The following ABL2 variants were observed in gnomAD, a reference collection of about 807,000 sequenced individuals.
ABL2 encodes ABL proto-oncogene 2, non-receptor tyrosine kinase.
Under a neutral mutation model 107.7 loss-of-function variants are expected in ABL2, and 49 were observed. The observed-to-expected ratio is 0.45, with a 90% CI of 0.36 to 0.58. The LOEUF is 0.58. ABL2 is among the 20% of genes least tolerant of loss of function. The pLI is 0.00. For synonymous variants in ABL2, 549 were observed against 548.6 expected (o/e 1.00, Z -0.01); for missense variants, 1,245 against 1,457.0 (o/e 0.85, Z 2.37).
chr1:179,198,945 G>A (rs368804073), intron 1 of ABL2, among the ~76,000 whole-genome samples: 9 of 150,388 alleles, frequency 6.0e-5, no homozygotes, highest in Non-Finnish European at 1.3e-4. Flanking sequence ...AGGTCCAAGC[G>A]ATTCTCCTGC....
At chr1:179,178,693 A>G (rs913380905) in intron 1 of ABL2, among the ~76,000 whole-genome samples, 1 of 151,892 alleles carries the variant, frequency 6.6e-6, no homozygotes, top group Admixed American at 6.6e-5. Context: ...AGTTCAAGAC[A>G]AGTCTGGCCA....
rs375297888 is a variant in ABL2, at chr1:179,109,104, G to A, written c.2163C>T (p.Ser721=). The part of the protein sequence containing the change: ...NLVPPKCYGG[S]FAQRNLCNDD... The stretch of plus-strand genomic sequence containing the variant: ...CATTACAGAGGTTCCTCTGTGCAAA[G>A]CTCCCCCCATAGCACTTGGGTGGCA... The change falls in exon 12 of 12, where the codon AGC becomes AGT. Residue 721 remains serine, a synonymous_variant. Transcript: ENST00000502732. The A allele has an allele frequency of 1.1e-5, 16 of 1,464,662 alleles. No homozygotes were observed. In the African/African-American group the frequency reaches 2.3e-4, roughly 21 times the overall value. The allele number at this position is 1,464,662 out of a possible 1,614,324, so 90.7% of individuals were successfully genotyped here. A position where few individuals can be genotyped will look rare whatever the true frequency, so the allele number is the denominator to read the frequency against.
intron 1 of ABL2, among the ~76,000 whole-genome samples, chr1:179,151,282 CCT>C (rs1658348878): frequency 6.6e-6 from 1 of 152,142 alleles, no homozygotes; most frequent in Non-Finnish European, 1.5e-5. Flanking sequence ...TTATCCTCCC[CCT>C]CTGTGTATTC....
chr1:179,140,040 T>C (rs1295936969), intron 1 of ABL2, among the ~76,000 whole-genome samples: 1 of 152,200 alleles, frequency 6.6e-6, no homozygotes, highest in Non-Finnish European at 1.5e-5. Flanking sequence ...CCCTACTGTT[T>C]ATTCTCAACA....
chr1:179,225,895 T>C (rs1378320955), intron 1 of ABL2, among the ~76,000 whole-genome samples: 3 of 151,218 alleles, frequency 2.0e-5, no homozygotes, highest in Non-Finnish European at 4.4e-5. Flanking sequence ...CAAAAAAAAA[T>C]TAGCCGGGCG....
chr1:179,109,208 C>T lies in ABL2; in HGVS notation c.2059G>A (p.Gly687Ser), dbSNP rs1263674393. The T allele has an allele frequency of 1.9e-6, 3 of 1,613,978 alleles. No homozygotes were observed. Among genetic ancestry groups the T allele is most frequent in the Admixed American group, 1.7e-5 (1 of 60,002 alleles). Residue 687 changes from glycine to serine, a missense_variant, in exon 12 of 12, where the codon GGT (glycine) becomes AGT (serine). Gly to Ser is a moderately conservative substitution (Grantham distance 56). Transcript: ENST00000502732. ...NQPHKKYELT[G>S]NFSSVASLQH... ...AGAGAAGCAACAGATGAGAAGTTAC[C>T]CGTGAGTTCGTATTTCTTATGGGGC...
At chr1:179,114,311 G>A (rs1050449196) in intron 9 of ABL2, among the ~76,000 whole-genome samples, 2 of 151,868 alleles carry the variant, frequency 1.3e-5, no homozygotes, top group African/African-American at 4.8e-5. Context: ...GAGGGGCTGA[G>A]GCATGAGAAT....
Position 179,126,783 on chromosome 1 carries a change from C to A in ABL2, c.392-111G>T. 1 of 1,163,766 alleles carries A rather than the reference C, an allele frequency of 8.6e-7. No individual in the cohort carries two copies. Among genetic ancestry groups the A allele is most frequent in the African/African-American group, 1.6e-5 (1 of 64,322 alleles). 72.1% of individuals were successfully genotyped at this position (1,163,766 alleles called of 1,614,324 possible). ...ATTAAAAAAAAAAAAGAATCTAGAA[C>A]TTTTATGCCAAATTTTTTTTTTAAA... On this transcript the variant is annotated intron_variant, in intron 3 of 11. Coordinates refer to ENST00000502732, the MANE Select transcript of ABL2 (RefSeq NM_007314.4). This position sits in a 1 kb window ranked among gnomAD's most constrained non-coding sequence, Gnocchi z 4.4.
At chr1:179,181,853 T>C (rs1462526307) in intron 1 of ABL2, among the ~76,000 whole-genome samples, 1 of 151,844 alleles carries the variant, frequency 6.6e-6, no homozygotes, top group Admixed American at 6.6e-5. Context: ...TGATCTCGGC[T>C]CACTGCAACT....
chr1:179,158,777 T>C (rs1377169117), intron 1 of ABL2, among the ~76,000 whole-genome samples: 1 of 152,250 alleles, frequency 6.6e-6, no homozygotes, highest in African/African-American at 2.4e-5. Flanking sequence ...ATAATAAGAT[T>C]ATTTTACTAT....
chr1:179,110,665 G>A, intron 10 of ABL2: 1 of 1,556,686 alleles, frequency 6.4e-7, no homozygotes, highest in Non-Finnish European at 8.8e-7. Flanking sequence ...TGTGGCAGGG[G>A]TTCTCATTGC....
At position 179,101,724 on chromosome 1, in the gene ABL2, G is replaced by A; in HGVS notation, c.*5994C>T. 1 of 184,060 alleles carries A rather than the reference G, an allele frequency of 5.4e-6. No homozygotes were observed. Among genetic ancestry groups the A allele is most frequent in the East Asian group, 8.8e-5 (1 of 11,346 alleles). 11.4% of individuals were successfully genotyped at this position (184,060 alleles called of 1,614,324 possible). A position where few individuals can be genotyped will look rare whatever the true frequency, so the allele number is the denominator to read the frequency against. ...ATAGAATACATACCTCAGAGAGGTG[G>A]CATGAAAAGCAGAAATTCATCCGTC... is the stretch of plus-strand genomic sequence containing the variant. On this transcript the variant is annotated 3_prime_UTR_variant, in exon 12 of 12. Coordinates refer to ENST00000502732, the MANE Select transcript of ABL2 (RefSeq NM_007314.4).
At chr1:179,123,146 T>C (rs1655387473) in intron 4 of ABL2, among the ~76,000 whole-genome samples, 1 of 152,180 alleles carries the variant, frequency 6.6e-6, no homozygotes, top group Non-Finnish European at 1.5e-5. Context: ...GGTAAGAGTA[T>C]TCAAATATCT....
chr1:179,171,714 G>A (rs766549113), intron 1 of ABL2, among the ~76,000 whole-genome samples: 2 of 152,086 alleles, frequency 1.3e-5, no homozygotes, highest in South Asian at 4.1e-4. Flanking sequence ...TGTAGAGATG[G>A]GGTCTCACTC....
chr1:179,158,317 C>A (rs917677840), intron 1 of ABL2, among the ~76,000 whole-genome samples: 3 of 152,160 alleles, frequency 2.0e-5, no homozygotes, highest in South Asian at 2.1e-4. Context: ...GTGTTGAATA[C>A]TTGGTTATAT....
chr1:179,150,572 G>A (rs1658298821), intron 1 of ABL2, among the ~76,000 whole-genome samples: 1 of 152,128 alleles, frequency 6.6e-6, no homozygotes, highest in Non-Finnish European at 1.5e-5. Flanking sequence ...GATGAGGAGT[G>A]GCTTCTTATG....
At chr1:179,132,685 G>A (rs1204186487) in intron 2 of ABL2, among the ~76,000 whole-genome samples, 3 of 151,690 alleles carry the variant, frequency 2.0e-5, no homozygotes, top group African/African-American at 7.3e-5. Context: ...GATTACAGGC[G>A]CCTGCCACCA....
chr1:179,228,354 AC>A (rs1344511203), intron 1 of ABL2, among the ~76,000 whole-genome samples: 1 of 152,034 alleles, frequency 6.6e-6, no homozygotes, highest in Admixed American at 6.6e-5. Flanking sequence ...CTCAAAAAAA[AC>A]AAAAACAAAA....
Position 179,113,894 on chromosome 1 carries a change from A to C in ABL2, c.1561+984T>G, listed in dbSNP as rs1572618362. On this transcript the variant is annotated intron_variant, in intron 9 of 11. Transcript: ENST00000502732. ...GCTTGCAGTGAGCCGAGATCGCGCC[A>C]CTGCACTCCAGCCTGGGCGACAGAG... Among the ~76,000 whole-genome samples, 3 of 151,874 alleles carry C rather than the reference A, an allele frequency of 2.0e-5. No individual in the cohort carries two copies. The East Asian group carries it at 5.8e-4, about 30-fold the overall frequency.
Sources: allele counts gnomAD v4.1 joint callset (sites outside exome capture counted in the v4.1 genomes callset), GRCh38; gene constraint gnomAD v4.1.1; non-coding constraint Gnocchi (gnomAD v3.1); transcripts MANE v1.5; gene names NCBI Gene and HGNC (gene_info 2026-07-23, HGNC 2026-07-21).